The following PTPRD variants were observed in gnomAD, a reference collection of about 807,000 sequenced individuals.
PTPRD encodes protein tyrosine phosphatase receptor type D.
Under a neutral mutation model 214.5 loss-of-function variants are expected in PTPRD, and 34 were observed. That is an observed-to-expected ratio of 0.16 (90% CI 0.12 to 0.21). PTPRD has a LOEUF of 0.21. PTPRD is among the 10% of genes least tolerant of loss of function. The pLI, the probability that PTPRD is intolerant of heterozygous loss-of-function variation, is 1.00. For missense variants in PTPRD, 2,545 were observed against 2,398.7 expected (o/e 1.06, Z -1.27); for synonymous variants, 1,128 against 845.7 (o/e 1.33, Z -5.79).
At chr9:9,720,051 CAA>C (rs1218447712) in intron 7 of PTPRD, among the ~76,000 whole-genome samples, 1 of 152,156 alleles carries the variant, frequency 6.6e-6, no homozygotes, top group African/African-American at 2.4e-5. Context: ...ACGAGCCAAT[CAA>C]AGACTGCAAG....
At chr9:9,199,845 A>C (rs1238886199) in intron 9 of PTPRD, among the ~76,000 whole-genome samples, 1 of 152,198 alleles carries the variant, frequency 6.6e-6, no homozygotes, top group East Asian at 1.9e-4. Context: ...TTTACAAAAA[A>C]GTATGGCCCT....
chr9:9,034,556 T>C (rs1466689388), intron 10 of PTPRD, among the ~76,000 whole-genome samples: 1 of 152,194 alleles, frequency 6.6e-6, no homozygotes, highest in African/African-American at 2.4e-5. Context: ...AGTCTTTTTT[T>C]ACTGAGCTTG....
At chr9:10,390,346 A>G (rs189294695) in intron 2 of PTPRD, among the ~76,000 whole-genome samples, 77 of 151,928 alleles carry the variant, frequency 5.1e-4, no homozygotes, top group East Asian at 2.0e-4. Flanking sequence ...TTAAAATCCA[A>G]GTGAGGCTCA....
At chr9:10,260,004 C>A (rs948520848) in intron 3 of PTPRD, among the ~76,000 whole-genome samples, 3 of 152,192 alleles carry the variant, frequency 2.0e-5, no homozygotes, top group African/African-American at 7.2e-5. Context: ...CAGTCCACAC[C>A]ACTCTCTGCC....
intron 10 of PTPRD, among the ~76,000 whole-genome samples, chr9:9,034,843 G>GC (rs2154379245): frequency 6.6e-6 from 1 of 152,278 alleles, no homozygotes; most frequent in Non-Finnish European, 1.5e-5. Flanking sequence ...CTCAATGAAT[G>GC]CTACTTATTA....
At chr9:9,302,212 T>G (rs754178378) in intron 9 of PTPRD, among the ~76,000 whole-genome samples, 3 of 151,948 alleles carry the variant, frequency 2.0e-5, no homozygotes, top group Non-Finnish European at 4.4e-5. Context: ...ATTGCTTTTT[T>G]TCCCGAAAAT....
intron 2 of PTPRD, among the ~76,000 whole-genome samples, chr9:10,557,043 A>G (rs1162405144): frequency 6.6e-6 from 1 of 152,146 alleles, no homozygotes; most frequent in East Asian, 1.9e-4. Context: ...AACAGGCTGA[A>G]TTTACTTGTA....
At chr9:9,372,987 C>G (rs1343499606) in intron 9 of PTPRD, among the ~76,000 whole-genome samples, 1 of 152,206 alleles carries the variant, frequency 6.6e-6, no homozygotes, top group East Asian at 1.9e-4. Flanking sequence ...AGTTTAGAGT[C>G]TCACAAAATA....
rs16930649 is a variant in PTPRD at position 9,941,673 on chromosome 9, T to A, written c.-471-3063A>T. 5.1e-3 allele frequency among the ~76,000 whole-genome samples: 775 copies of A among 152,262 alleles called. 38 individuals carry two copies. The East Asian group carries it at 0.14, about 27-fold the overall frequency. On this transcript the variant is annotated intron_variant, in intron 4 of 45. Transcript: ENST00000381196. Reference sequence around the variant, plus strand: ...GTCACAATGTAAGGAAAGGGTTCAGTAACTTCAATCCTCTTTTCCCAAAGG... The same window carrying A: ...GTCACAATGTAAGGAAAGGGTTCAGAAACTTCAATCCTCTTTTCCCAAAGG...
chr9:8,348,058 T>C (rs368270450), intron 39 of PTPRD, among the ~76,000 whole-genome samples: 2 of 152,132 alleles, frequency 1.3e-5, no homozygotes, highest in Non-Finnish European at 2.9e-5. Flanking sequence ...AAAAAAGTGC[T>C]AGAATAGACA....
At chr9:9,444,608 A>G (rs1487182419) in intron 8 of PTPRD, among the ~76,000 whole-genome samples, 1 of 152,144 alleles carries the variant, frequency 6.6e-6, no homozygotes, top group Non-Finnish European at 1.5e-5. Context: ...GATAGTCAAT[A>G]TTCTTGGCCC....
chr9:10,316,023 G>A (rs928886134), intron 3 of PTPRD, among the ~76,000 whole-genome samples: 13 of 151,528 alleles, frequency 8.6e-5, no homozygotes, highest in African/African-American at 2.9e-4. Context: ...AAGACACAAA[G>A]TGAGCTGAAC....
At chr9:10,337,090 A>G (rs2096857238) in intron 3 of PTPRD, among the ~76,000 whole-genome samples, 1 of 151,762 alleles carries the variant, frequency 6.6e-6, no homozygotes, top group African/African-American at 2.4e-5. Flanking sequence ...TAAAAAAACA[A>G]ACAAAAAAGA....
At chr9:9,182,696 G>A (rs751294146) in intron 10 of PTPRD, among the ~76,000 whole-genome samples, 1 of 151,914 alleles carries the variant, frequency 6.6e-6, no homozygotes, top group Admixed American at 6.6e-5. Flanking sequence ...TATTAGAAAA[G>A]GGATATGTAA....
chr9:8,336,819 G>C (rs1847337927), intron 43 of PTPRD, among the ~76,000 whole-genome samples: 1 of 152,146 alleles, frequency 6.6e-6, no homozygotes, highest in Non-Finnish European at 1.5e-5. Context: ...CTCAGAAGAA[G>C]ACACCGATGC....
chr9:9,138,072 G>T (rs1400323401), intron 10 of PTPRD, among the ~76,000 whole-genome samples: 2 of 152,108 alleles, frequency 1.3e-5, no homozygotes, highest in Non-Finnish European at 2.9e-5. Flanking sequence ...TGATGCTAAA[G>T]CTCAAGACAT....
chr9:9,587,615 T>TG (rs2092214319), intron 7 of PTPRD, among the ~76,000 whole-genome samples: 2 of 151,974 alleles, frequency 1.3e-5, no homozygotes, highest in South Asian at 4.1e-4. Context: ...TCATAAAGGC[T>TG]GGGGGTCTCA....
At chr9:8,443,868 G>T (rs1423923343) in intron 34 of PTPRD, among the ~76,000 whole-genome samples, 1 of 151,972 alleles carries the variant, frequency 6.6e-6, no homozygotes, top group African/African-American at 2.4e-5. Flanking sequence ...TCTTTGCTGG[G>T]AAAAAGAAGA....
At chr9:9,423,841 GAAGAA>G (rs1218594792) in intron 8 of PTPRD, among the ~76,000 whole-genome samples, 6 of 152,212 alleles carry the variant, frequency 3.9e-5, no homozygotes, top group African/African-American at 1.4e-4. Context: ...GATATACAGA[GAAGAA>G]AAGAATAAAT....
Sources: gnomAD v4.1 joint callset for allele counts (sites outside exome capture counted in the v4.1 genomes callset) on GRCh38, gnomAD v4.1.1 for gene constraint, MANE v1.5 for transcripts, NCBI Gene and HGNC (gene_info 2026-07-23, HGNC 2026-07-21) for gene names.